The following ACSS1 variants were observed in gnomAD, a reference collection of about 807,000 sequenced individuals.
ACSS1 encodes the protein acetyl-coenzyme A synthetase 2-like, mitochondrial.
In ACSS1, 42 loss-of-function variants were observed where a neutral mutation model predicts 75.3. The ratio of observed to expected loss-of-function variants is 0.56; its 90% CI spans 0.44 to 0.72. ACSS1 has a LOEUF of 0.72. ACSS1 is among the 30% of genes least tolerant of loss of function. The pLI is 0.00. For synonymous variants in ACSS1, 380 were observed against 376.8 expected (o/e 1.01, Z -0.10); for missense variants, 782 against 935.7 (o/e 0.84, Z 2.14).
At chr20:25,055,889 A>G (rs1179298033) in intron 1 of ACSS1, among the ~76,000 whole-genome samples, 1 of 152,058 alleles carries the variant, frequency 6.6e-6, no homozygotes, top group Admixed American at 6.5e-5. Context: ...GCCCTTTTTC[A>G]TACTGTCTTC....
chr20:25,021,519 C>A lies in ACSS1; in HGVS notation c.978G>T (p.Gln326His), dbSNP rs753286208. The change falls in exon 6 of 14, where the codon CAG becomes CAT. Residue 326 changes from glutamine (Q) to histidine (H), a missense_variant. This residue lies in a region of ACSS1 where 405 missense variants were observed against 552.6 expected (regional missense o/e 0.73). Coordinates refer to ENST00000323482, the MANE Select transcript of ACSS1 (RefSeq NM_032501.4). ...ALTHKLVFDH[Q>H]PGDIFGCVAD... The stretch of plus-strand genomic sequence containing the variant: ...CCACACAGCCAAAGATGTCACCTGG[C>A]TGGTGGTCAAACACAAGCTGCAGAG... The A allele has an allele frequency of 1.2e-6, 2 of 1,613,964 alleles. No individual in the cohort carries two copies. The highest frequency in any genetic ancestry group is 1.7e-6 in the Non-Finnish European group (2 of 1,179,892).
At chr20:25,033,243 C>G (rs1003065051) in intron 2 of ACSS1, among the ~76,000 whole-genome samples, 2 of 152,194 alleles carry the variant, frequency 1.3e-5, no homozygotes, top group Admixed American at 6.5e-5. Context: ...TTATGCTCAC[C>G]AGTTAAATGG....
intron 2 of ACSS1, among the ~76,000 whole-genome samples, chr20:25,033,240 C>T (rs1387031722): frequency 6.6e-6 from 1 of 152,218 alleles, no homozygotes; most frequent in Admixed American, 6.5e-5. Context: ...GAATTATGCT[C>T]ACCAGTTAAA....
chr20:25,051,317 G>A (rs1028497441), intron 1 of ACSS1, among the ~76,000 whole-genome samples: 1 of 152,244 alleles, frequency 6.6e-6, no homozygotes, highest in Non-Finnish European at 1.5e-5. Context: ...GCACAGAGCT[G>A]AGGAACAGAC....
intron 10 of ACSS1, 142 bp from the exon 11 acceptor site, chr20:25,013,081 A>C: frequency 1.6e-6 from 2 of 1,288,600 alleles, no homozygotes; most frequent in Non-Finnish European, 2.1e-6. Flanking sequence ...ATGCTTCCCT[A>C]TGTTCTAGAG....
intron 4 of ACSS1, 44 bp from the exon 5 acceptor site, chr20:25,023,136 C>A: frequency 1.9e-6 from 3 of 1,586,122 alleles, no homozygotes; most frequent in South Asian, 1.1e-5. Flanking sequence ...GGCACTCAGC[C>A]TCTCTGAGAG....
chr20:25,042,716 C>T (rs1025212659), intron 2 of ACSS1, among the ~76,000 whole-genome samples: 2 of 152,120 alleles, frequency 1.3e-5, no homozygotes, highest in Admixed American at 6.5e-5. Flanking sequence ...GGCAAAGTCC[C>T]GCTGAGTACC....
intron 8 of ACSS1, 90 bp from the exon 9 acceptor site, chr20:25,014,163 T>C (rs760466942): frequency 1.8e-6 from 2 of 1,140,864 alleles, no homozygotes; most frequent in Non-Finnish European, 2.5e-6. Flanking sequence ...ACTGTCCCTG[T>C]TGTGGGCAAG....
chr20:25,030,072 G>A (rs1319362535), intron 3 of ACSS1, among the ~76,000 whole-genome samples: 1 of 152,162 alleles, frequency 6.6e-6, no homozygotes, highest in African/African-American at 2.4e-5. Context: ...AGGTCAACAG[G>A]AGTCTGAGAA....
At chr20:25,048,655 G>A (rs1261795070) in intron 1 of ACSS1, among the ~76,000 whole-genome samples, 1 of 152,240 alleles carries the variant, frequency 6.6e-6, no homozygotes, top group Non-Finnish European at 1.5e-5. Context: ...TGCCCCCAAG[G>A]TTAAAGGTGC....
chr20:25,057,561 G>T (rs115012428), intron 1 of ACSS1, among the ~76,000 whole-genome samples: 1 of 152,152 alleles, frequency 6.6e-6, no homozygotes, highest in East Asian at 1.9e-4. Context: ...CCCGAGCTGG[G>T]CACGTGGATC....
At position 25,013,066 on chromosome 20, in the gene ACSS1, C is replaced by T. The variant is rs117203727; in HGVS notation, c.1580-127G>A. The T allele has an allele frequency of 5.8e-5, 80 of 1,386,738 alleles. No homozygotes were observed. In the East Asian group the frequency reaches 1.0e-3, roughly 18 times the overall value. 85.9% of individuals were successfully genotyped at this position (1,386,738 alleles called of 1,614,324 possible). A position where few individuals can be genotyped will look rare whatever the true frequency, so the allele number is the denominator to read the frequency against. On this transcript the variant is annotated intron_variant, in intron 10 of 13. Transcript: ENST00000323482. The stretch of plus-strand genomic sequence containing the variant: ...TCTCGCCCATCGGCCCTCCTTGCAA[C>T]TCCGATGCTTCCCTATGTTCTAGAG...
chr20:25,058,097 C>A lies in ACSS1; in HGVS notation c.6G>T (p.Ala2=). The A allele has an allele frequency of 8.0e-7, 1 of 1,251,114 alleles. No homozygotes were observed. The highest frequency in any genetic ancestry group is 1.0e-6 in the Non-Finnish European group (1 of 1,000,594). The allele number at this position is 1,251,114 out of a possible 1,614,324, so 77.5% of individuals were successfully genotyped here. A position where few individuals can be genotyped will look rare whatever the true frequency, so the allele number is the denominator to read the frequency against. The part of the protein sequence containing the change: M[A]ARTLGRGVGR... ...CGACGCCGCGGCCCAGGGTGCGCGC[C>A]GCCATCTAGGCAGGCTACCTGAGCT... Residue 2 remains alanine, a synonymous_variant, in exon 1 of 14, where the codon GCG becomes GCT. Transcript: ENST00000323482.
intron 2 of ACSS1, among the ~76,000 whole-genome samples, chr20:25,034,226 C>A (rs2088873254): frequency 6.6e-6 from 1 of 152,182 alleles, no homozygotes; most frequent in Non-Finnish European, 1.5e-5. Flanking sequence ...TGCCAGAGCT[C>A]ACCTCATGGG....
At chr20:25,009,470 G>C in intron 12 of ACSS1, 82 bp from the exon 13 acceptor site, 1 of 1,131,824 alleles carries the variant, frequency 8.8e-7, no homozygotes, top group Non-Finnish European at 1.3e-6. Flanking sequence ...TGCACAGACT[G>C]CCAGAAATCC....
In ACSS1 at chr20:25,021,391, G is replaced by C; in HGVS notation, c.1106C>G (p.Ala369Gly). The part of the protein sequence containing the change: ...LFESTPVYPN[A>G]GRYWETVERL... ...CAAACAGGGTTCACCATCCTTACCA[G>C]CATTGGGATAAACTGGGGTGCTCTC... Residue 369 changes from alanine (A) to glycine (G), a missense_variant and splice_region_variant, in exon 6 of 14, where the codon GCT (alanine) becomes GGT (glycine). Transcript: ENST00000323482. The C allele has an allele frequency of 2.5e-6, 4 of 1,613,994 alleles. No individual in the cohort carries two copies. The highest frequency in any genetic ancestry group is 3.4e-6 in the Non-Finnish European group (4 of 1,179,902).
chr20:25,027,932 A>C (rs767093837), intron 3 of ACSS1, among the ~76,000 whole-genome samples: 2 of 152,200 alleles, frequency 1.3e-5, no homozygotes, highest in Non-Finnish European at 2.9e-5. Flanking sequence ...AATTTGCAAT[A>C]TACAAGATCA....
intron 2 of ACSS1, among the ~76,000 whole-genome samples, chr20:25,035,085 C>T (rs1407144953): frequency 2.6e-5 from 4 of 151,858 alleles, no homozygotes; most frequent in Admixed American, 6.6e-5. Flanking sequence ...TTAGTAGAGA[C>T]GGGGTTTCAC....
At chr20:25,028,582 G>A (rs942997511) in intron 3 of ACSS1, among the ~76,000 whole-genome samples, 2 of 152,114 alleles carry the variant, frequency 1.3e-5, no homozygotes, top group Admixed American at 1.3e-4. Flanking sequence ...GAATGAAACT[G>A]GACCCTTACC....
Sources: allele counts gnomAD v4.1 joint callset (sites outside exome capture counted in the v4.1 genomes callset), GRCh38; gene constraint gnomAD v4.1.1; regional missense constraint gnomAD v4.1.1; transcripts MANE v1.5; gene names NCBI Gene and HGNC (gene_info 2026-07-23, HGNC 2026-07-21).